Variants in ERBIN observed in about 807,000 individuals in gnomAD.
The protein encoded by ERBIN is densin-180-like protein.
Under a neutral mutation model 158.4 loss-of-function variants are expected in ERBIN, and 60 were observed. That is an observed-to-expected ratio of 0.38 (90% CI 0.31 to 0.47). ERBIN has a LOEUF of 0.47. ERBIN is among the 20% of genes least tolerant of loss of function. The pLI is 0.99. For missense variants in ERBIN, 1,610 were observed against 1,648.0 expected (o/e 0.98, Z 0.40); for synonymous variants, 594 against 557.2 (o/e 1.07, Z -0.93).
chr5:65,978,193 T>G (rs1750246704), intron 1 of ERBIN, among the ~76,000 whole-genome samples: 1 of 152,214 alleles, frequency 6.6e-6, no homozygotes, highest in South Asian at 2.1e-4. Context: ...CCAGTCTTTA[T>G]TTTATGCAGT....
At chr5:65,951,912 A>G (rs1211740047) in intron 1 of ERBIN, among the ~76,000 whole-genome samples, 6 of 152,160 alleles carry the variant, frequency 3.9e-5, no homozygotes, top group Non-Finnish European at 7.4e-5. Flanking sequence ...GTGCCTTATG[A>G]TGTTAATTTT....
chr5:66,001,324 C>G (rs1752994000), intron 4 of ERBIN, among the ~76,000 whole-genome samples: 1 of 152,028 alleles, frequency 6.6e-6, no homozygotes, highest in African/African-American at 2.4e-5. Context: ...GATTCATTAG[C>G]TGTTGTGCAC....
rs1755163739 is a variant in ERBIN, at chr5:66,018,513, T to TA, written c.534-2809_534-2808insA. Among the ~76,000 whole-genome samples, 2 of 8,698 alleles carry TA rather than the reference T, an allele frequency of 2.3e-4. 1 individual carries two copies. The highest frequency in any genetic ancestry group is 3.4e-3 in the East Asian group (2 of 584). 5.7% of individuals were successfully genotyped at this position (8,698 alleles called of 152,430 possible). A position where few individuals can be genotyped will look rare whatever the true frequency, so the allele number is the denominator to read the frequency against. The stretch of plus-strand genomic sequence containing the variant: ...TATATTATATAATATATATTATATA[T>TA]TATATAATATATATTATATTATATA... On this transcript the variant is annotated intron_variant, in intron 7 of 25. Transcript: ENST00000284037.
At chr5:66,028,100 ATTTTG>A (rs1160813495) in intron 13 of ERBIN, among the ~76,000 whole-genome samples, 169 bp from the exon 14 acceptor site, 9 of 152,020 alleles carry the variant, frequency 5.9e-5, no homozygotes, top group Admixed American at 3.9e-4. Context: ...AAAACTAGAT[ATTTTG>A]TTTTATGTCC....
At chr5:65,935,422 T>C (rs903556748) in intron 1 of ERBIN, among the ~76,000 whole-genome samples, 3 of 152,242 alleles carry the variant, frequency 2.0e-5, no homozygotes, top group Non-Finnish European at 4.4e-5. Context: ...CCATATGTTA[T>C]GTGTGTGAGG....
chr5:66,053,631 A>G lies in ERBIN; in HGVS notation c.2313A>G (p.Ile771Met), dbSNP rs201252946. Residue 771 changes from isoleucine (I) to methionine (M), a missense_variant, in exon 21 of 26, where the codon ATA becomes ATG. By Grantham distance (10) the Ile-to-Met change is conservative. This residue lies in a region of ERBIN where 1,014 missense variants were observed against 936.1 expected (regional missense o/e 1.08). Coordinates refer to ENST00000284037, the MANE Select transcript of ERBIN (RefSeq NM_001253697.2). Reference sequence around the variant, plus strand: ...TCAATATGAATCTTAATAAACTTATAACTAATGATACATTTCAACCAGAGA... The same window carrying G: ...TCAATATGAATCTTAATAAACTTATGACTAATGATACATTTCAACCAGAGA... Reference protein sequence around the residue: ...DHINMNLNKLITNDTFQPEIM... With the variant: ...DHINMNLNKLMTNDTFQPEIM... 17 of 1,612,224 alleles carry G rather than the reference A, an allele frequency of 1.1e-5. No homozygotes were observed. The Admixed American group carries it at 1.3e-4, about 13-fold the overall frequency.
intron 7 of ERBIN, among the ~76,000 whole-genome samples, chr5:66,015,413 A>G (rs1754610584): frequency 1.3e-5 from 2 of 152,204 alleles, no homozygotes; most frequent in Admixed American, 1.3e-4. Flanking sequence ...ACACAGCCAC[A>G]TACATTCATG....
rs1749722241 is a variant in ERBIN at position 65,975,224 on chromosome 5, T to A, written c.-57-13411T>A. ...GATTTCACTATGTTGGCCAGGCTGG[T>A]CTCAAATTCCTGACCTCAAGTGATC... On this transcript the variant is annotated intron_variant, in intron 1 of 25. Coordinates refer to ENST00000284037, the MANE Select transcript of ERBIN (RefSeq NM_001253697.2). 2.0e-5 allele frequency among the ~76,000 whole-genome samples: 3 copies of A among 152,124 alleles called. No homozygotes were observed. The South Asian group carries it at 6.2e-4, about 31-fold the overall frequency.
intron 1 of ERBIN, among the ~76,000 whole-genome samples, chr5:65,977,198 A>ACC (rs1156593026): frequency 1.6e-4 from 9 of 55,206 alleles, no homozygotes; most frequent in African/African-American, 5.3e-4. Flanking sequence ...CGGGGGGCTG[A>ACC]CCCCCCCCCA....
rs565369895 is a variant in ERBIN, at chr5:65,939,376, G to T, written c.-58+12570G>T. Among the ~76,000 whole-genome samples, 5 of 152,288 alleles carry T rather than the reference G, an allele frequency of 3.3e-5. No homozygotes were observed. In the South Asian group the frequency reaches 1.0e-3, roughly 32 times the overall value. On this transcript the variant is annotated intron_variant, in intron 1 of 25. Coordinates refer to ENST00000284037, the MANE Select transcript of ERBIN (RefSeq NM_001253697.2). ...TGCTTGAACCCGGGGGGCAGAGGTT[G>T]CAGTGAGCCGAGGTTGCGCCACTGC...
chr5:66,021,822 T>C (rs1755718767), intron 8 of ERBIN, among the ~76,000 whole-genome samples: 1 of 152,114 alleles, frequency 6.6e-6, no homozygotes, highest in African/African-American at 2.4e-5. Context: ...GTGAAACAAC[T>C]GTTATTTTTG....
At chr5:65,926,995 C>A (rs1720656038) in intron 1 of ERBIN, among the ~76,000 whole-genome samples, 189 bp downstream of exon 1, 1 of 151,514 alleles carries the variant, frequency 6.6e-6, no homozygotes, top group South Asian at 2.1e-4. Context: ...CTTCTCCCCC[C>A]TGCCCCCCCC....
intron 14 of ERBIN, among the ~76,000 whole-genome samples, chr5:66,037,253 A>G (rs1389583399): frequency 6.6e-6 from 1 of 152,164 alleles, no homozygotes; most frequent in Non-Finnish European, 1.5e-5. Context: ...GAATAGATGA[A>G]TACCACCAAG....
rs534881032 is a variant in ERBIN, at chr5:66,005,377, A to G, written c.308-6672A>G. Among the ~76,000 whole-genome samples the G allele has an allele frequency of 9.2e-5, 14 of 152,254 alleles. No individual in the cohort carries two copies. The South Asian group carries it at 2.1e-3, about 23-fold the overall frequency. On this transcript the variant is annotated intron_variant, in intron 4 of 25. Coordinates refer to ENST00000284037, the MANE Select transcript of ERBIN (RefSeq NM_001253697.2). ...TTTTAATAGAAAAAATCAGGAGCTC[A>G]GTTTTTTTGAGATCTAGTTGTTCAT... is the stretch of plus-strand genomic sequence containing the variant.
intron 21 of ERBIN, chr5:66,055,261 A>G (rs1053622552): frequency 3.4e-6 from 1 of 296,614 alleles, no homozygotes; most frequent in Non-Finnish European, 5.4e-6. Context: ...GCATTTTCTG[A>G]ACTTTGCTAT....
chr5:66,039,309 A>G (rs1181372018), intron 15 of ERBIN, among the ~76,000 whole-genome samples: 1 of 151,920 alleles, frequency 6.6e-6, no homozygotes, highest in Admixed American at 6.6e-5. Flanking sequence ...CATTCACTAC[A>G]AAACACTCTG....
intron 1 of ERBIN, among the ~76,000 whole-genome samples, chr5:65,954,571 C>T (rs1168147068): frequency 6.6e-6 from 1 of 152,068 alleles, no homozygotes; most frequent in Non-Finnish European, 1.5e-5. Context: ...TTTCATAGTG[C>T]TGTAAATACT....
chr5:66,004,062 T>C (rs1371585683), intron 4 of ERBIN, among the ~76,000 whole-genome samples: 1 of 150,926 alleles, frequency 6.6e-6, no homozygotes, highest in Non-Finnish European at 1.5e-5. Flanking sequence ...CTCATCCTCC[T>C]GAGTAGCTGG....
chr5:65,981,383 T>C (rs1247712216), intron 1 of ERBIN, among the ~76,000 whole-genome samples: 3 of 151,932 alleles, frequency 2.0e-5, no homozygotes, highest in Non-Finnish European at 4.4e-5. Context: ...TCAGAATAAG[T>C]GAAAGGCAGA....
Sources: allele counts gnomAD v4.1 joint callset (sites outside exome capture counted in the v4.1 genomes callset), GRCh38; gene constraint gnomAD v4.1.1; regional missense constraint gnomAD v4.1.1; transcripts MANE v1.5; gene names NCBI Gene and HGNC (gene_info 2026-07-23, HGNC 2026-07-21).